The following NTRK2 variants were observed in gnomAD, a reference collection of about 807,000 sequenced individuals.
The protein encoded by NTRK2 is neurotrophic receptor tyrosine kinase 2.
A neutral mutation model predicts 94.5 loss-of-function variants in NTRK2; 13 were observed. That is an observed-to-expected ratio of 0.14 (90% CI 0.09 to 0.22). The LOEUF is 0.22. NTRK2 is among the 10% of genes least tolerant of loss of function. The pLI is 1.00. For synonymous variants in NTRK2, 372 were observed against 407.4 expected (o/e 0.91, Z 1.05); for missense variants, 639 against 1,071.2 (o/e 0.60, Z 5.63).
intron 17 of NTRK2, among the ~76,000 whole-genome samples, chr9:84,965,060 C>G (rs1032273918): frequency 6.6e-6 from 1 of 152,200 alleles, no homozygotes; most frequent in Non-Finnish European, 1.5e-5. Context: ...TATTCTCCAT[C>G]TCCAGTGAGT....
intron 12 of NTRK2, among the ~76,000 whole-genome samples, chr9:84,795,054 G>A (rs1401410559): frequency 1.3e-5 from 2 of 152,022 alleles, no homozygotes; most frequent in Non-Finnish European, 2.9e-5. Context: ...CTCTGTCCAC[G>A]ACAGAGAGCT....
intron 10 of NTRK2, among the ~76,000 whole-genome samples, chr9:84,743,798 T>C (rs1274305303): frequency 1.3e-5 from 2 of 152,202 alleles, no homozygotes; most frequent in Non-Finnish European, 2.9e-5. Flanking sequence ...GAGGGAAAAC[T>C]AAACAAATAA....
At chr9:84,947,336 C>T (rs1485459549) in intron 15 of NTRK2, among the ~76,000 whole-genome samples, 2 of 152,192 alleles carry the variant, frequency 1.3e-5, no homozygotes, top group Admixed American at 6.5e-5. Flanking sequence ...CCTCAAGATC[C>T]TTAACTTAGT....
At chr9:84,672,839 CACAATTGT>C (rs2058784343) in intron 2 of NTRK2, among the ~76,000 whole-genome samples, 1 of 152,198 alleles carries the variant, frequency 6.6e-6, no homozygotes, top group African/African-American at 2.4e-5. Flanking sequence ...TATCTGTCCT[CACAATTGT>C]TGTTGCTTCT....
intron 14 of NTRK2, among the ~76,000 whole-genome samples, chr9:84,930,732 G>A (rs940016806): frequency 6.6e-6 from 1 of 152,162 alleles, no homozygotes; most frequent in Non-Finnish European, 1.5e-5. Context: ...TCCACATTGG[G>A]AGGATAGTGT....
chr9:84,740,467 C>T (rs1564165072), intron 9 of NTRK2, among the ~76,000 whole-genome samples: 1 of 152,114 alleles, frequency 6.6e-6, no homozygotes, highest in Non-Finnish European at 1.5e-5. Context: ...TACATTGATA[C>T]AGTGCCATCA....
chr9:85,007,701 T>G (rs1399682238), intron 17 of NTRK2, among the ~76,000 whole-genome samples: 1 of 152,146 alleles, frequency 6.6e-6, no homozygotes, highest in Non-Finnish European at 1.5e-5. Context: ...TTCTACTAAG[T>G]GAGAAAAATG....
At chr9:84,918,486 T>G (rs1451638703) in intron 14 of NTRK2, among the ~76,000 whole-genome samples, 1 of 151,954 alleles carries the variant, frequency 6.6e-6, no homozygotes, top group Non-Finnish European at 1.5e-5. Context: ...TTATTTGCAC[T>G]GGGGAGGTCT....
At chr9:84,811,113 A>G (rs2071735478) in intron 12 of NTRK2, 2 of 1,068,418 alleles carry the variant, frequency 1.9e-6, no homozygotes, top group Non-Finnish European at 2.3e-6. Context: ...TTTTTCATCT[A>G]TAACACAGTG....
chr9:84,914,729 A>AT (rs1439863984), intron 14 of NTRK2, among the ~76,000 whole-genome samples: 3 of 151,810 alleles, frequency 2.0e-5, no homozygotes, highest in Non-Finnish European at 2.9e-5. Flanking sequence ...TTTTCTGGGG[A>AT]TTTTTTTCTG....
chr9:84,817,136 A>C, intron 12 of NTRK2, among the ~76,000 whole-genome samples: 1 of 152,338 alleles, frequency 6.6e-6, no homozygotes, highest in South Asian at 2.1e-4. Flanking sequence ...TTGCCTGGCA[A>C]GTGGGACACT....
chr9:84,692,468 C>CTTTTTT (rs71369138), intron 2 of NTRK2, among the ~76,000 whole-genome samples: 24 of 87,642 alleles, frequency 2.7e-4, no homozygotes, highest in East Asian at 7.0e-4. Flanking sequence ...TTCTTTTTTT[C>CTTTTTT]TTTTTTTTTT....
At chr9:84,907,333 C>T (rs2077101613) in intron 14 of NTRK2, among the ~76,000 whole-genome samples, 1 of 152,192 alleles carries the variant, frequency 6.6e-6, no homozygotes, top group African/African-American at 2.4e-5. Flanking sequence ...GTTGCATAGC[C>T]ATTTCCATAG....
At chr9:84,948,005 T>A (rs950569537) in intron 15 of NTRK2, among the ~76,000 whole-genome samples, 1 of 152,226 alleles carries the variant, frequency 6.6e-6, no homozygotes, top group Admixed American at 6.5e-5. Flanking sequence ...CAGTGCTACA[T>A]AAAGACAGGC....
chr9:84,892,922 C>CAA (rs58211840), intron 14 of NTRK2, among the ~76,000 whole-genome samples: 16,596 of 144,890 alleles, frequency 0.11, 1,395 homozygotes, highest in African/African-American at 0.23. Flanking sequence ...AACTCCATCT[C>CAA]AAAAAAAAAA....
At chr9:84,879,770 T>G (rs1400993201) in intron 14 of NTRK2, among the ~76,000 whole-genome samples, 1 of 152,188 alleles carries the variant, frequency 6.6e-6, no homozygotes, top group Non-Finnish European at 1.5e-5. Context: ...AGAGGAATTG[T>G]AGTGTTGGCA....
chr9:84,955,202 G>A, intron 16 of NTRK2, 81 bp from the exon 17 acceptor site: 1 of 1,176,528 alleles, frequency 8.5e-7, no homozygotes, highest in East Asian at 2.5e-5. Flanking sequence ...TTAGCAAGAG[G>A]GACGGGGAGG....
intron 14 of NTRK2, among the ~76,000 whole-genome samples, chr9:84,923,493 G>T (rs550773796): frequency 6.6e-6 from 1 of 152,318 alleles, no homozygotes; most frequent in African/African-American, 2.4e-5. Flanking sequence ...GGTCAGGGAA[G>T]CCCCTGAATA....
intron 12 of NTRK2, among the ~76,000 whole-genome samples, chr9:84,852,613 T>G (rs934220230): frequency 5.3e-5 from 8 of 152,328 alleles, no homozygotes; most frequent in Non-Finnish European, 7.4e-5. Flanking sequence ...TGACCACCTC[T>G]GTTAAAGAAA....
Sources: gnomAD v4.1 joint callset for allele counts (sites outside exome capture counted in the v4.1 genomes callset) on GRCh38, gnomAD v4.1.1 for gene constraint, MANE v1.5 for transcripts, NCBI Gene and HGNC (gene_info 2026-07-23, HGNC 2026-07-21) for gene names.